Variants in ARHGAP12 observed in about 807,000 individuals in gnomAD.
The protein encoded by ARHGAP12 is rho GTPase-activating protein 12.
In ARHGAP12, 64 loss-of-function variants were observed where a neutral mutation model predicts 108.6. The observed-to-expected ratio is 0.59, with a 90% confidence interval of 0.48 to 0.73. The LOEUF (loss-of-function observed/expected upper bound fraction) is 0.73, where lower values mean the gene tolerates loss of function less well. ARHGAP12 is among the 30% of genes least tolerant of loss of function. The pLI is 0.00. For missense variants in ARHGAP12, 940 were observed against 1,005.9 expected, an observed-to-expected ratio of 0.93 and a Z score of 0.89; for synonymous variants, 312 against 337.2, an observed-to-expected ratio of 0.93 and a Z score of 0.82.
At chr10:31,928,174 G>GCGCACACACACA (rs149445215) in intron 1 of ARHGAP12, among the ~76,000 whole-genome samples, 1 of 149,296 alleles carries the variant, frequency 6.7e-6, no homozygotes, top group African/African-American at 2.5e-5. Context: ...GGCCTTTTGC[G>GCGCACACACACA]CACACACACA....
intron 6 of ARHGAP12, among the ~76,000 whole-genome samples, chr10:31,843,933 A>T (rs1162773655): frequency 6.6e-6 from 1 of 152,248 alleles, no homozygotes; most frequent in Non-Finnish European, 1.5e-5. Flanking sequence ...AAGTATTAAA[A>T]GAGTAGTATA....
At chr10:31,912,974 T>A (rs901556934) in intron 1 of ARHGAP12, among the ~76,000 whole-genome samples, 1 of 152,210 alleles carries the variant, frequency 6.6e-6, no homozygotes, top group African/African-American at 2.4e-5. Context: ...ATATAGGTCA[T>A]CTCTTCATTC....
chr10:31,923,909 C>T (rs1839924401), intron 1 of ARHGAP12, among the ~76,000 whole-genome samples: 1 of 152,156 alleles, frequency 6.6e-6, no homozygotes, highest in South Asian at 2.1e-4. Context: ...AAATTGTACA[C>T]TTAAAAAATA....
chr10:31,880,007 GATGTCAGGTATTT>G (rs1837877252), intron 3 of ARHGAP12, among the ~76,000 whole-genome samples: 1 of 152,180 alleles, frequency 6.6e-6, no homozygotes. Context: ...ATTCTACCTA[GATGTCAGGTATTT>G]ATTCATAAGC....
chr10:31,818,765 T>A lies in ARHGAP12; in HGVS notation c.1633-879A>T, dbSNP rs370330600. On this transcript the variant is annotated intron_variant, in intron 12 of 19. Transcript: ENST00000344936. The stretch of plus-strand genomic sequence containing the variant: ...TGGATTGAAGAAAATATAACTAGAT[T>A]CTCTCCTTCAAGATGTCACAGGCTT... Among the ~76,000 whole-genome samples the A allele has an allele frequency of 1.3e-4, 20 of 152,300 alleles. No homozygotes were observed. In the East Asian group the frequency reaches 2.3e-3, roughly 18 times the overall value.
At chr10:31,905,241 T>C (rs1009503837) in intron 3 of ARHGAP12, among the ~76,000 whole-genome samples, 2 of 152,202 alleles carry the variant, frequency 1.3e-5, no homozygotes, top group African/African-American at 4.8e-5. Flanking sequence ...GTATAAATTA[T>C]GTATAAAATT....
intron 9 of ARHGAP12, among the ~76,000 whole-genome samples, chr10:31,832,520 T>C (rs1394843147): frequency 6.6e-6 from 1 of 152,226 alleles, no homozygotes; most frequent in Non-Finnish European, 1.5e-5. Flanking sequence ...CAAGAAGCAC[T>C]TTCTCACTGC....
intron 9 of ARHGAP12, among the ~76,000 whole-genome samples, chr10:31,836,866 A>G (rs1441257910): frequency 6.6e-6 from 1 of 152,160 alleles, no homozygotes; most frequent in Non-Finnish European, 1.5e-5. Flanking sequence ...TCAGGAAAAA[A>G]GGAATGCCAT....
At chr10:31,872,373 A>G (rs2132338351) in intron 3 of ARHGAP12, among the ~76,000 whole-genome samples, 1 of 152,214 alleles carries the variant, frequency 6.6e-6, no homozygotes, top group Non-Finnish European at 1.5e-5. Flanking sequence ...ATATACCTCA[A>G]ACTCACTACA....
intron 11 of ARHGAP12, among the ~76,000 whole-genome samples, chr10:31,820,715 TA>T (rs1564370091): frequency 1.0e-3 from 75 of 74,166 alleles, no homozygotes; most frequent in African/African-American, 3.5e-3. Context: ...CATCATATTA[TA>T]TATATATATA....
At chr10:31,880,336 C>G (rs889372397) in intron 3 of ARHGAP12, among the ~76,000 whole-genome samples, 2 of 152,106 alleles carry the variant, frequency 1.3e-5, no homozygotes, top group African/African-American at 4.8e-5. Context: ...TGCCCAGGTG[C>G]AATGTCTCAT....
intron 3 of ARHGAP12, among the ~76,000 whole-genome samples, chr10:31,872,598 A>G (rs923533255): frequency 1.4e-4 from 22 of 152,312 alleles, no homozygotes; most frequent in African/African-American, 5.1e-4. Context: ...CTTTTGCTGA[A>G]TAACTAAAAT....
chr10:31,825,948 C>T (rs1330633804), intron 11 of ARHGAP12, among the ~76,000 whole-genome samples: 2 of 152,122 alleles, frequency 1.3e-5, no homozygotes, highest in East Asian at 3.9e-4. Flanking sequence ...CACATTACTG[C>T]TTATTTTCTG....
rs1044798 is a variant in ARHGAP12, at chr10:31,805,823, T to G, written c.*1835A>C. On this transcript the variant is annotated 3_prime_UTR_variant, in exon 20 of 20. Transcript: ENST00000344936. The stretch of plus-strand genomic sequence containing the variant: ...CTAAATAAGCAAGATCTAAAGCATA[T>G]TGTATTATTAAGGACATCTTTAGGC... 1 of 152,026 alleles carries G rather than the reference T, an allele frequency of 6.6e-6. No individual in the cohort carries two copies. The highest frequency in any genetic ancestry group is 6.5e-5 in the Admixed American group (1 of 15,274). 9.4% of individuals were successfully genotyped at this position (152,026 alleles called of 1,614,324 possible).
At position 31,839,640 on chromosome 10, in the gene ARHGAP12, A is replaced by T. The variant is rs1214009297; in HGVS notation, c.1368T>A (p.Asp456Glu). 1.9e-6 allele frequency: 3 copies of T among 1,603,616 alleles called. No homozygotes were observed. Among genetic ancestry groups the T allele is most frequent in the Non-Finnish European group, 1.7e-6 (2 of 1,172,384 alleles). Residue 456 changes from aspartate (D) to glutamate (E), a missense_variant, in exon 8 of 20, where the codon GAT (aspartate) becomes GAA (glutamate). By Grantham distance (45) the Asp-to-Glu change is conservative. Transcript: ENST00000344936. ...GATATGCTTCTATCATACTAACTGT[A>T]TCTTGGTGCTTTGGTGAGGAGGGAG... is the stretch of plus-strand genomic sequence containing the variant. ...ESSPSSPKHQ[D>E]TASSPKDQEK...
intron 3 of ARHGAP12, among the ~76,000 whole-genome samples, chr10:31,894,782 C>A (rs1838608789): frequency 6.6e-6 from 1 of 152,156 alleles, no homozygotes; most frequent in Non-Finnish European, 1.5e-5. Context: ...AAAGAGCCCG[C>A]ATCACCAAGT....
At chr10:31,856,041 G>A (rs973211426) in intron 4 of ARHGAP12, among the ~76,000 whole-genome samples, 6 of 152,082 alleles carry the variant, frequency 3.9e-5, no homozygotes, top group Admixed American at 1.3e-4. Flanking sequence ...CAGTAACTTT[G>A]GGATGTATTC....
intron 3 of ARHGAP12, among the ~76,000 whole-genome samples, chr10:31,907,490 T>C (rs1279271379): frequency 4.0e-5 from 6 of 151,520 alleles, no homozygotes. Context: ...TTTAATTAGC[T>C]GGCTGTGGTG....
chr10:31,814,975 C>T (rs1835147180), intron 13 of ARHGAP12, among the ~76,000 whole-genome samples: 1 of 151,908 alleles, frequency 6.6e-6, no homozygotes. Flanking sequence ...CAAAAATTAG[C>T]CGGGCATGGT....
Sources: allele counts gnomAD v4.1 joint callset (sites outside exome capture counted in the v4.1 genomes callset), GRCh38; gene constraint gnomAD v4.1.1; transcripts MANE v1.5; gene names NCBI Gene and HGNC (gene_info 2026-07-23, HGNC 2026-07-21).